OSM: variants seen among roughly 807,000 people sequenced by gnomAD.
OSM encodes oncostatin M.
A neutral mutation model predicts 6.3 loss-of-function variants in OSM; 1 was observed. The observed-to-expected ratio is 0.16, with a 90% CI of 0.06 to 0.76. The LOEUF (loss-of-function observed/expected upper bound fraction) is 0.76. Among genes scored for constraint, OSM ranks in the 30% least tolerant of loss-of-function variants. OSM has a pLI of 0.77. For missense variants in OSM, 324 were observed against 336.9 expected (o/e 0.96, Z 0.30); for synonymous variants, 135 against 143.4 (o/e 0.94, Z 0.42).
Position 30,263,624 on chromosome 22 carries a change from G to T in OSM, c.*259C>A, listed in dbSNP as rs201258024. 7 of 399,904 alleles carry T rather than the reference G, an allele frequency of 1.8e-5. No homozygotes were observed. The highest frequency in any genetic ancestry group is 3.1e-5 in the Non-Finnish European group (7 of 226,112). The allele number at this position is 399,904 out of a possible 1,614,324, so 24.8% of individuals were successfully genotyped here. ...CAGACCCCTGAATCAATGGAAAGTC[G>T]GTCCCGCGTGGCCCGCCCGGCCACC... On this transcript the variant is annotated 3_prime_UTR_variant, in exon 3 of 3. Transcript: ENST00000215781.
chr22:30,265,520 AC>A, intron 1 of OSM: 1 of 554,494 alleles, frequency 1.8e-6, no homozygotes, highest in Non-Finnish European at 2.4e-6. Context: ...TCCCTGCAAG[AC>A]CACTGGGCTA....
rs199898647 is a variant in OSM, at chr22:30,263,891, G to A, written c.751C>T (p.Pro251Ser). Residue 251 changes from proline (P) to serine (S), a missense_variant, in exon 3 of 3, where the codon CCC (proline) becomes TCC (serine). By Grantham distance (74) the Pro-to-Ser change is moderately conservative. Transcript: ENST00000215781. ...AAGGGGTGCTCTCGAGGCTACCGGG[G>A]CAGCTGTCCCCTGGTCATGAGTCTC... ...GKRLMTRGQL[P>S]R The A allele has an allele frequency of 3.3e-6, 5 of 1,497,592 alleles. No individual in the cohort carries two copies. In the Admixed American group the frequency reaches 1.2e-4, roughly 35 times the overall value. 92.8% of individuals were successfully genotyped at this position (1,497,592 alleles called of 1,614,324 possible). A position where few individuals can be genotyped will look rare whatever the true frequency, so the allele number is the denominator to read the frequency against.
chr22:30,266,284 C>T lies in OSM; in HGVS notation c.34+482G>A, dbSNP rs549210332. ...TGGTGAGATCCAGGGCTGTAGATGA[C>T]GTCATATGGCTGTGTGCGCATGTGG... On this transcript the variant is annotated intron_variant, in intron 1 of 2. Coordinates refer to ENST00000215781, the MANE Select transcript of OSM (RefSeq NM_020530.6). The surrounding 1 kb of genome is among the most constrained non-coding windows in gnomAD (Gnocchi z 5.0). 6.6e-6 allele frequency among the ~76,000 whole-genome samples: 1 copy of T among 152,222 alleles called. No individual in the cohort carries two copies. The highest frequency in any genetic ancestry group is 1.9e-4 in the East Asian group (1 of 5,164).
rs752613420 is a variant in OSM at position 30,264,262 on chromosome 22, C to T, written c.380G>A (p.Gly127Glu). 5.6e-6 allele frequency: 9 copies of T among 1,614,146 alleles called. No homozygotes were observed. In the Admixed American group the frequency reaches 1.5e-4, roughly 27 times the overall value. Residue 127 changes from glycine to glutamate, a missense_variant, in exon 3 of 3, where the codon GGG becomes GAG. Transcript: ENST00000215781. ...CTTCTCCAAGTCCTCGATGTTCAGC[C>T]CAGACCTCTCCAAATCCTGGGCCTT... ...LPKAQDLERS[G>E]LNIEDLEKLQ...
At chr22:30,265,278 G>GGGCACTGTGT in intron 1 of OSM, 134 bp from the exon 2 acceptor site, 2 of 1,492,194 alleles carry the variant, frequency 1.3e-6, no homozygotes. Flanking sequence ...GGCGGGGGCT[G>GGGCACTGTGT]GGCACTGTGT....
intron 1 of OSM, chr22:30,265,431 C>A: frequency 8.2e-7 from 1 of 1,221,566 alleles, no homozygotes; most frequent in Non-Finnish European, 1.0e-6. Flanking sequence ...GCAAAGGCTG[C>A]AGTGCCTGGC....
In OSM at chr22:30,263,969, G is replaced by C. The variant is rs775325242; in HGVS notation, c.673C>G (p.His225Asp). ...SPNRSRRHSP[H>D]QALRKGVRRT... ...CGCACCCCCTTCCTCAGGGCCTGGTGGGGGCTGTGTCTCCGGCTCCGGTTC... is the reference window on the plus strand; with the variant it reads ...CGCACCCCCTTCCTCAGGGCCTGGTCGGGGCTGTGTCTCCGGCTCCGGTTC... Residue 225 changes from histidine to aspartate, a missense_variant, in exon 3 of 3, where the codon CAC becomes GAC. By Grantham distance (81) the His-to-Asp change is moderately conservative. Transcript: ENST00000215781. 1 of 1,540,610 alleles carries C rather than the reference G, an allele frequency of 6.5e-7. No homozygotes were observed. Among genetic ancestry groups the C allele is most frequent in the Non-Finnish European group, 8.7e-7 (1 of 1,143,432 alleles).
Position 30,266,744 on chromosome 22 carries a change from C to A in OSM, c.34+22G>T. 3 of 1,612,744 alleles carry A rather than the reference C, an allele frequency of 1.9e-6. No homozygotes were observed. Among genetic ancestry groups the A allele is most frequent in the Middle Eastern group, 1.7e-4 (1 of 6,052 alleles). Reference sequence around the variant, plus strand: ...GGCAGACCCAGCAGGCGGGTTCTGGCGGGGAGGAAGGAAGTACTTACTGAG... The same window carrying A: ...GGCAGACCCAGCAGGCGGGTTCTGGAGGGGAGGAAGGAAGTACTTACTGAG... On this transcript the variant is annotated intron_variant, in intron 1 of 2. Coordinates refer to ENST00000215781, the MANE Select transcript of OSM (RefSeq NM_020530.6). This position sits in a 1 kb window ranked among gnomAD's most constrained non-coding sequence, Gnocchi z 5.0.
At chr22:30,265,632 G>A (rs147182564) in intron 1 of OSM, 402 of 163,882 alleles carry the variant, frequency 2.5e-3, no homozygotes, top group Non-Finnish European at 3.4e-3. Context: ...GGAGCAGCTT[G>A]TGTCCTCAGC....
rs201319597 is a variant in OSM, at chr22:30,266,847, C to G, written c.-48G>C. 7.1e-7 allele frequency: 1 copy of G among 1,402,188 alleles called. No homozygotes were observed. The highest frequency in any genetic ancestry group is 9.5e-7 in the Non-Finnish European group (1 of 1,047,586). The allele number at this position is 1,402,188 out of a possible 1,614,324, so 86.9% of individuals were successfully genotyped here. On this transcript the variant is annotated 5_prime_UTR_variant, in exon 1 of 3. Coordinates refer to ENST00000215781, the MANE Select transcript of OSM (RefSeq NM_020530.6). The surrounding 1 kb of genome is among the most constrained non-coding windows in gnomAD (Gnocchi z 5.0). ...CGCGCCCGCTGGGGGTGACACCTCT[C>G]GGCTGGGAGCCCTGCAGGCTGGCAG...
At chr22:30,264,560 A>G in intron 2 of OSM, 96 bp from the exon 3 acceptor site, 1 of 1,013,768 alleles carries the variant, frequency 9.9e-7, no homozygotes. Flanking sequence ...ATGCACCCCA[A>G]TCCAATCTCC....
At chr22:30,265,465 A>G (rs1237935950) in intron 1 of OSM, 2 of 1,088,096 alleles carry the variant, frequency 1.8e-6, no homozygotes, top group African/African-American at 3.2e-5. Context: ...TGCCTACAGC[A>G]CGGTTCTAAC....
chr22:30,266,767 G>A lies in OSM; in HGVS notation c.33C>T (p.Leu11=). Residue 11 remains leucine, a splice_region_variant and synonymous_variant, in exon 1 of 3, where the codon CTC becomes CTT. Coordinates refer to ENST00000215781, the MANE Select transcript of OSM (RefSeq NM_020530.6). The surrounding 1 kb of genome is among the most constrained non-coding windows in gnomAD (Gnocchi z 5.0). MGVLLTQRTL[L]SLVLALLFPS... is the part of the protein sequence containing the mutation. The stretch of plus-strand genomic sequence containing the variant: ...GGCGGGGAGGAAGGAAGTACTTACT[G>A]AGCAGCGTCCTCTGTGTGAGCAGTA... 3.7e-6 allele frequency: 6 copies of A among 1,613,418 alleles called. No homozygotes were observed. Among genetic ancestry groups the A allele is most frequent in the Non-Finnish European group, 5.1e-6 (6 of 1,179,628 alleles).
chr22:30,266,343 G>T lies in OSM; in HGVS notation c.34+423C>A, dbSNP rs1457651051. ...GTGTGGCTGTGCATGCTGTGTGATT[G>T]TGTGGGCCCTGGGGCCCCCAGGCCT... On this transcript the variant is annotated intron_variant, in intron 1 of 2. Transcript: ENST00000215781. This position sits in a 1 kb window ranked among gnomAD's most constrained non-coding sequence, Gnocchi z 5.0. Among the ~76,000 whole-genome samples, 1 of 152,104 alleles carries T rather than the reference G, an allele frequency of 6.6e-6. No homozygotes were observed. The highest frequency in any genetic ancestry group is 1.5e-5 in the Non-Finnish European group (1 of 68,000).
rs200453737 is a variant in OSM at position 30,263,347 on chromosome 22, G to A, written c.*536C>T. On this transcript the variant is annotated 3_prime_UTR_variant, in exon 3 of 3. Transcript: ENST00000215781. Reference sequence around the variant, plus strand: ...CCTGAGCTCCATTCCCTGGACCCCCGGATCAGGGCTCCTGGGACACCCTGC... The same window carrying A: ...CCTGAGCTCCATTCCCTGGACCCCCAGATCAGGGCTCCTGGGACACCCTGC... 1.3e-5 allele frequency: 2 copies of A among 152,944 alleles called. No individual in the cohort carries two copies. Among genetic ancestry groups the A allele is most frequent in the Non-Finnish European group, 2.9e-5 (2 of 68,438 alleles). 9.5% of individuals were successfully genotyped at this position (152,944 alleles called of 1,614,324 possible). A position where few individuals can be genotyped will look rare whatever the true frequency, so the allele number is the denominator to read the frequency against.
intron 2 of OSM, 67 bp from the exon 3 acceptor site, chr22:30,264,531 C>G (rs912449847): frequency 7.6e-7 from 1 of 1,317,132 alleles, no homozygotes; most frequent in Non-Finnish European, 1.1e-6. Flanking sequence ...GACAAGTAAG[C>G]CTTGAAATGC....
Position 30,264,082 on chromosome 22 carries a change from C to T in OSM, c.560G>A (p.Arg187His), listed in dbSNP as rs751234522. Residue 187 changes from arginine to histidine, a missense_variant, in exon 3 of 3, where the codon CGC (arginine) becomes CAC (histidine). Physicochemically the swap from Arg to His is conservative, Grantham distance 29. Transcript: ENST00000215781. ...CAGGAACCTGCAGCCCTCCAGCTTG[C>T]GCTGAAAAGCATCCGAGGCAGGGGT... ...TPTPASDAFQ[R>H]KLEGCRFLHG... The T allele has an allele frequency of 5.0e-6, 8 of 1,604,978 alleles. No individual in the cohort carries two copies. The highest frequency in any genetic ancestry group is 1.1e-5 in the South Asian group (1 of 90,332).
In OSM at chr22:30,265,128, G is replaced by A; in HGVS notation, c.51C>T (p.Leu17=). 1 of 1,614,030 alleles carries A rather than the reference G, an allele frequency of 6.2e-7. No homozygotes were observed. Among genetic ancestry groups the A allele is most frequent in the South Asian group, 1.1e-5 (1 of 91,082 alleles). Residue 17 remains leucine (L), a synonymous_variant, in exon 2 of 3, where the codon CTC becomes CTT. Transcript: ENST00000215781. The stretch of plus-strand genomic sequence containing the variant: ...CCATGCTCGCCATGCTTGGAAACAG[G>A]AGTGCAAGGACCAGACCTAAGGCAG... ...QRTLLSLVLA[L]LFPSMASMAA...
chr22:30,264,425 G>T lies in OSM; in HGVS notation c.217C>A (p.His73Asn), dbSNP rs1338188076. ...AAGGCCCCGGGGCGCTCCCTGCAGT[G>T]CTCTCTCAGTTTAGGAACATCCAGG... ...QGLDVPKLREHCRERPGAFPS... is the reference protein window; with the variant it reads ...QGLDVPKLRENCRERPGAFPS... The change falls in exon 3 of 3, where the codon CAC (histidine) becomes AAC (asparagine). Residue 73 changes from histidine to asparagine, a missense_variant. By Grantham distance (68) the His-to-Asn change is moderately conservative. Transcript: ENST00000215781. The T allele has an allele frequency of 6.2e-7, 1 of 1,612,058 alleles. No individual in the cohort carries two copies. Among genetic ancestry groups the T allele is most frequent in the East Asian group, 2.2e-5 (1 of 44,822 alleles).
Sources: gnomAD v4.1 joint callset for allele counts (sites outside exome capture counted in the v4.1 genomes callset) on GRCh38, gnomAD v4.1.1 for gene constraint, Gnocchi (gnomAD v3.1) non-coding constraint, MANE v1.5 for transcripts, NCBI Gene and HGNC (gene_info 2026-07-23, HGNC 2026-07-21) for gene names.